MYH3: variants seen among roughly 807,000 people sequenced by gnomAD.
MYH3 encodes the protein myosin-3.
MYH3 carries 130 observed loss-of-function variants against 238.0 expected under a neutral mutation model. That is an observed-to-expected ratio of 0.55 (90% confidence interval 0.47 to 0.63). The LOEUF (loss-of-function observed/expected upper bound fraction) is 0.63. Ranked by LOEUF, MYH3 falls within the 30% of genes least tolerant of loss-of-function variation. MYH3 has a pLI of 0.00. For missense variants in MYH3, 1,853 were observed against 2,374.9 expected (o/e 0.78, Z 4.57); for synonymous variants, 880 against 924.1 (o/e 0.95, Z 0.86).
At chr17:10,629,118 T>C (rs186495354) in intron 40 of MYH3, among the ~76,000 whole-genome samples, 29 of 152,252 alleles carry the variant, frequency 1.9e-4, no homozygotes, top group Admixed American at 1.8e-3. Context: ...TATCAACCTG[T>C]CATCTAGGTT....
Position 10,652,530 on chromosome 17 carries a change from T to G in MYH3, c.238A>C (p.Met80Leu). The change falls in exon 4 of 41, where the codon ATG (methionine) becomes CTG (leucine). Residue 80 changes from methionine (M) to leucine (L), a missense_variant. This residue lies in a region of MYH3 where 131 missense variants were observed against 123.5 expected (regional missense o/e 1.06). Coordinates refer to ENST00000583535, the MANE Select transcript of MYH3 (RefSeq NM_002470.4). ...LVVKPEDVYAMNPPKFDRIED... is the reference protein window; with the variant it reads ...LVVKPEDVYALNPPKFDRIED... The stretch of plus-strand genomic sequence containing the variant: ...ATCCTGTCGAACTTGGGGGGGTTCA[T>G]GGCGTACACATCCTCTGGTTTGACC... The G allele has an allele frequency of 6.2e-7, 1 of 1,612,862 alleles. No individual in the cohort carries two copies. Among genetic ancestry groups the G allele is most frequent in the Non-Finnish European group, 8.5e-7 (1 of 1,179,556 alleles).
rs760988031 is a variant in MYH3, at chr17:10,639,202, C to G, written c.3103-13G>C. The G allele has an allele frequency of 6.2e-7, 1 of 1,614,164 alleles. No individual in the cohort carries two copies. The highest frequency in any genetic ancestry group is 1.7e-5 in the Admixed American group (1 of 60,022). On this transcript the variant is annotated splice_polypyrimidine_tract_variant and intron_variant, in intron 24 of 40. Coordinates refer to ENST00000583535, the MANE Select transcript of MYH3 (RefSeq NM_002470.4). ...GGGAGCTTTCCAGCTGAAAAAGGCA[C>G]CATTTCCTTTTGGGAACAAATGCTT...
chr17:10,671,304 C>G, the MYH3 span, among the ~76,000 whole-genome samples: 2 of 152,216 alleles, frequency 1.3e-5, no homozygotes, highest in Admixed American at 1.3e-4. Context: ...TTGTGCATAT[C>G]TATGATTCTG....
the MYH3 span, among the ~76,000 whole-genome samples, chr17:10,670,472 TTTTG>T: frequency 6.6e-6 from 1 of 152,156 alleles, no homozygotes; most frequent in Non-Finnish European, 1.5e-5. The surrounding 1 kb of genome is among the most constrained non-coding windows in gnomAD (Gnocchi z 7.0). Flanking sequence ...ATTTACAGTG[TTTTG>T]TTTGTTTGCT....
intron 6 of MYH3, 67 bp from the exon 7 acceptor site, chr17:10,649,752 G>A (rs1008736533): frequency 1.4e-6 from 2 of 1,399,736 alleles, no homozygotes; most frequent in South Asian, 1.2e-5. Flanking sequence ...TTTTCAGGAT[G>A]TCATACTGAG....
chr17:10,652,398 C>T (rs992079574), intron 4 of MYH3, 22 bp downstream of exon 4: 1 of 1,613,380 alleles, frequency 6.2e-7, no homozygotes, highest in South Asian at 1.1e-5. Context: ...CCAGGGAAAC[C>T]ACGTCGAAAG....
At chr17:10,648,496 GGGCTCTTGCCT>G in intron 8 of MYH3, 50 bp downstream of exon 8, 1 of 1,373,896 alleles carries the variant, frequency 7.3e-7, no homozygotes, top group Non-Finnish European at 1.0e-6. Context: ...TTTGAGGACA[GGGCTCTTGCCT>G]ATTTTGTGAG....
Position 10,641,179 on chromosome 17 carries a change from G to C in MYH3, c.2071C>G (p.Leu691Val). 1 of 1,614,104 alleles carries C rather than the reference G, an allele frequency of 6.2e-7. No homozygotes were observed. Among genetic ancestry groups the C allele is most frequent in the Non-Finnish European group, 8.5e-7 (1 of 1,180,018 alleles). ...TPGAMEHSLVLHQLRCNGVLE... is the reference protein window; with the variant it reads ...TPGAMEHSLVVHQLRCNGVLE... ...ACACCGTTACACCGCAGCTGGTGCAGAACAAGGCTGTGTTCCATAGCCCCT... is the reference window on the plus strand; with the variant it reads ...ACACCGTTACACCGCAGCTGGTGCACAACAAGGCTGTGTTCCATAGCCCCT... The change falls in exon 19 of 41, where the codon CTG (leucine) becomes GTG (valine). Residue 691 changes from leucine to valine, a missense_variant. By Grantham distance (32) the Leu-to-Val change is conservative (BLOSUM62 1). Around this residue, in one of 3 missense-constraint regions of MYH3, gnomAD observed 678 missense variants for 1,058.9 expected, o/e 0.64. Transcript: ENST00000583535.
chr17:10,666,958 G>A, the MYH3 span, among the ~76,000 whole-genome samples: 7 of 152,104 alleles, frequency 4.6e-5, no homozygotes, highest in Non-Finnish European at 1.0e-4. Flanking sequence ...ATACACAGAA[G>A]GGCTTTAAAC....
At position 10,654,454 on chromosome 17, in the gene MYH3, C is replaced by G. The variant is rs936994332; in HGVS notation, c.204+407G>C. On this transcript the variant is annotated intron_variant, in intron 3 of 40. Transcript: ENST00000583535. The surrounding 1 kb of genome is among the most constrained non-coding windows in gnomAD (Gnocchi z 4.5). ...TCCCCTAGGATCCCTAACACATTTT[C>G]CTTACTTCCTTGGTTAGATGGCCAT... Among the ~76,000 whole-genome samples, 1 of 152,188 alleles carries G rather than the reference C, an allele frequency of 6.6e-6. No homozygotes were observed. Among genetic ancestry groups the G allele is most frequent in the Non-Finnish European group, 1.5e-5 (1 of 68,030 alleles).
At chr17:10,668,988 T>C in the MYH3 span, among the ~76,000 whole-genome samples, 1 of 152,220 alleles carries the variant, frequency 6.6e-6, no homozygotes, top group African/African-American at 2.4e-5. Context: ...ATTTGTTTCT[T>C]ATCTCCTCTG....
chr17:10,656,551 A>ATT (rs796954188), intron 1 of MYH3, among the ~76,000 whole-genome samples: 1 of 148,030 alleles, frequency 6.8e-6, no homozygotes, highest in Non-Finnish European at 1.5e-5. Flanking sequence ...AAAAAAAAAA[A>ATT]AAAAAAAAAA....
In MYH3 at chr17:10,633,670, G is replaced by A. The variant is rs1415325146; in HGVS notation, c.4568C>T (p.Thr1523Ile). ...LTEQIAENGK[T>I]IHELEKSRKQ... ...TCTTGATTTCTCCAGTTCATGGATG[G>A]TTTTGCCATTTTCAGCAATTTGTTC... is the stretch of plus-strand genomic sequence containing the variant. Residue 1523 changes from threonine to isoleucine, a missense_variant, in exon 33 of 41, where the codon ACC becomes ATC. Around this residue, in one of 3 missense-constraint regions of MYH3, gnomAD observed 1,044 missense variants for 1,192.6 expected, o/e 0.88. Coordinates refer to ENST00000583535, the MANE Select transcript of MYH3 (RefSeq NM_002470.4). 1 of 1,614,008 alleles carries A rather than the reference G, an allele frequency of 6.2e-7. No homozygotes were observed. The highest frequency in any genetic ancestry group is 8.5e-7 in the Non-Finnish European group (1 of 1,179,998).
the MYH3 span, among the ~76,000 whole-genome samples, chr17:10,668,216 G>A: frequency 9.9e-5 from 15 of 152,158 alleles, no homozygotes; most frequent in Non-Finnish European, 2.1e-4. Context: ...CAAATATGGC[G>A]AAATCCCATC....
At chr17:10,629,469 C>CT in intron 40 of MYH3, 128 bp downstream of exon 40, 2 of 1,280,236 alleles carry the variant, frequency 1.6e-6, no homozygotes, top group East Asian at 4.7e-5. Flanking sequence ...AGCTAAGTGA[C>CT]TTTAAGCACT....
At chr17:10,667,263 A>G in the MYH3 span, among the ~76,000 whole-genome samples, 2 of 152,278 alleles carry the variant, frequency 1.3e-5, no homozygotes, top group African/African-American at 4.8e-5. Context: ...TACTGTGAGC[A>G]TAACGATATT....
chr17:10,672,206 G>T, the MYH3 span, among the ~76,000 whole-genome samples: 129 of 152,220 alleles, frequency 8.5e-4, 1 homozygote, highest in African/African-American at 3.0e-3. Context: ...ATTAATCACT[G>T]TTCCAATATT....
chr17:10,638,552 A>G, intron 26 of MYH3, 120 bp from the exon 27 acceptor site: 1 of 1,327,330 alleles, frequency 7.5e-7, no homozygotes. Context: ...CCCTCCAATG[A>G]ATACTGCAAA....
rs746109263 is a variant in MYH3, at chr17:10,635,841, C to A, written c.3869G>T (p.Arg1290Leu). ...RLQTEAGELS[R>L]QLEEKESIVS... ...TATGCTTTCTTTTTCTTCCAGCTGA[C>A]GACTCAGCTCACCTGTGTCCAGAAG... Residue 1290 changes from arginine to leucine, a missense_variant, in exon 29 of 41, where the codon CGT becomes CTT. Arg to Leu is a moderately radical substitution (Grantham distance 102). This residue lies in a region of MYH3 where 1,044 missense variants were observed against 1,192.6 expected (regional missense o/e 0.88). Coordinates refer to ENST00000583535, the MANE Select transcript of MYH3 (RefSeq NM_002470.4). The A allele has an allele frequency of 6.2e-7, 1 of 1,613,234 alleles. No individual in the cohort carries two copies. The highest frequency in any genetic ancestry group is 1.7e-5 in the Admixed American group (1 of 60,002).
Sources: allele counts gnomAD v4.1 joint callset (sites outside exome capture counted in the v4.1 genomes callset), GRCh38; gene constraint gnomAD v4.1.1; regional missense constraint gnomAD v4.1.1; non-coding constraint Gnocchi (gnomAD v3.1); transcripts MANE v1.5; gene names NCBI Gene and HGNC (gene_info 2026-07-23, HGNC 2026-07-21).